SNED1: variants seen among roughly 807,000 people sequenced by gnomAD.
SNED1 encodes the protein sushi, nidogen and EGF like domains 1, also known as sushi, nidogen and EGF-like domain-containing protein 1.
In SNED1, 81 loss-of-function variants were observed where a neutral mutation model predicts 166.7. That is an observed-to-expected ratio of 0.49 (90% CI 0.41 to 0.58). SNED1 has a LOEUF of 0.58. Ranked by LOEUF, SNED1 falls within the 20% of genes least tolerant of loss-of-function variation. The pLI, the probability that SNED1 is intolerant of heterozygous loss-of-function variation, is 0.00. For synonymous variants in SNED1, 762 were observed against 822.0 expected (o/e 0.93, Z 1.25); for missense variants, 1,604 against 2,000.2 (o/e 0.80, Z 3.78).
At chr2:241,015,060 C>T (rs1287972362) in intron 1 of SNED1, among the ~76,000 whole-genome samples, 1 of 152,194 alleles carries the variant, frequency 6.6e-6, no homozygotes, top group Non-Finnish European at 1.5e-5. Flanking sequence ...TTCCACCTTG[C>T]TTTTCACAAG....
chr2:241,049,987 G>T, intron 12 of SNED1, 54 bp downstream of exon 12: 1 of 1,318,462 alleles, frequency 7.6e-7, no homozygotes. Flanking sequence ...GAGCGCCCGC[G>T]GTCCGCCGTC....
At position 241,071,589 on chromosome 2, in the gene SNED1, C is replaced by T. The variant is rs369849516; in HGVS notation, c.3603C>T (p.Gly1201=). Residue 1201 remains glycine (G), a synonymous_variant, in exon 25 of 32, where the codon GGC becomes GGT. Transcript: ENST00000310397. ...CCTGCTCTGCAGCCCCCAGGGATGG[C>T]GCTGACAGACGCTGGCACCAGGGAG... ...HLYIITSPRD[G]ADRRWHQGGH... 77 of 1,586,494 alleles carry T rather than the reference C, an allele frequency of 4.9e-5. No homozygotes were observed. The highest frequency in any genetic ancestry group is 6.8e-5 in the South Asian group (6 of 87,816).
At position 241,053,261 on chromosome 2, in the gene SNED1, G is replaced by T. The variant is rs777264161; in HGVS notation, c.2192G>T (p.Ser731Ile). 39 of 1,604,576 alleles carry T rather than the reference G, an allele frequency of 2.4e-5. No homozygotes were observed. In the Admixed American group the frequency reaches 3.9e-4, roughly 16 times the overall value. The change falls in exon 16 of 32, where the codon AGC (serine) becomes ATC (isoleucine). Residue 731 changes from serine (S) to isoleucine (I), a missense_variant. Physicochemically the swap from Ser to Ile is moderately radical, Grantham distance 142. Around this residue, in one of 2 missense-constraint regions of SNED1, gnomAD observed 1,237 missense variants for 1,620.8 expected, o/e 0.76. Transcript: ENST00000310397. Reference protein sequence around the residue: ...LYACDRGYSLSAPSRIRVCQP... With the variant: ...LYACDRGYSLIAPSRIRVCQP... ...GCATGTGACCGTGGCTACAGCCTGA[G>T]CGCCCCCAGCCGCATCCGGGTCTGC...
intron 29 of SNED1, 63 bp from the exon 30 acceptor site, chr2:241,087,329 G>C: frequency 6.6e-7 from 1 of 1,503,802 alleles, no homozygotes; most frequent in African/African-American, 1.4e-5. Flanking sequence ...CATAGCCTAG[G>C]TTAAGCAGTT....
chr2:241,050,688 T>C (rs2061810457), intron 12 of SNED1, among the ~76,000 whole-genome samples: 1 of 152,186 alleles, frequency 6.6e-6, no homozygotes, highest in South Asian at 2.1e-4. Flanking sequence ...ACTGCTTGGT[T>C]CTTTGCAAGC....
chr2:241,062,644 A>G (rs2062276726), intron 16 of SNED1, 147 bp from the exon 17 acceptor site: 1 of 696,990 alleles, frequency 1.4e-6, no homozygotes, highest in Non-Finnish European at 2.6e-6. Context: ...CCCCGACTCC[A>G]AGGATATCCA....
At chr2:241,040,555 CT>C (rs1310391936) in intron 8 of SNED1, 142 bp downstream of exon 8, 1 of 620,640 alleles carries the variant, frequency 1.6e-6, no homozygotes, top group Non-Finnish European at 2.8e-6. Context: ...CCTCTGCCCC[CT>C]TCCCACTCCC....
chr2:241,036,252 C>T (rs1019324505), intron 4 of SNED1, among the ~76,000 whole-genome samples: 7 of 151,928 alleles, frequency 4.6e-5, no homozygotes, highest in Non-Finnish European at 8.8e-5. Context: ...TACCCACACA[C>T]TGGGGCACGA....
chr2:241,003,770 G>A (rs1016245387), intron 1 of SNED1, among the ~76,000 whole-genome samples: 2 of 152,238 alleles, frequency 1.3e-5, no homozygotes, highest in African/African-American at 4.8e-5. Flanking sequence ...TCACAGGGAA[G>A]ACAGGTCAGT....
intron 27 of SNED1, among the ~76,000 whole-genome samples, chr2:241,078,107 G>T (rs1053860669): frequency 1.3e-5 from 2 of 152,120 alleles, no homozygotes; most frequent in Non-Finnish European, 2.9e-5. Flanking sequence ...AAAAGTGGCC[G>T]GGCGCGGTGG....
Position 240,999,159 on chromosome 2 carries a change from G to A in SNED1, c.213+109G>A. ...CGCCGCCGCCAGCCACTTGGCACCG[G>A]GGCGGCCCGAGGTGGAATGAGGACA... On this transcript the variant is annotated intron_variant, in intron 1 of 31. Coordinates refer to ENST00000310397, the MANE Select transcript of SNED1 (RefSeq NM_001080437.3). The surrounding 1 kb of genome is among the most constrained non-coding windows in gnomAD (Gnocchi z 5.8). The A allele has an allele frequency of 1.6e-6, 1 of 621,012 alleles. No homozygotes were observed. The allele number at this position is 621,012 out of a possible 1,614,324, so 38.5% of individuals were successfully genotyped here. A position where few individuals can be genotyped will look rare whatever the true frequency, so the allele number is the denominator to read the frequency against.
intron 27 of SNED1, among the ~76,000 whole-genome samples, chr2:241,076,618 T>C (rs777974022): frequency 7.2e-5 from 11 of 152,272 alleles, no homozygotes; most frequent in East Asian, 1.9e-4. Flanking sequence ...TCCCAGCACT[T>C]TGGGAGGCCT....
In SNED1 at chr2:241,091,330, A is replaced by C. The variant is rs1240653105; in HGVS notation, c.*2-308A>C. 6.6e-6 allele frequency among the ~76,000 whole-genome samples: 1 copy of C among 152,262 alleles called. No individual in the cohort carries two copies. The highest frequency in any genetic ancestry group is 1.5e-5 in the Non-Finnish European group (1 of 68,050). ...GGAAGGAGGAGGGCAGGGAAGAGGAACAGGCTGTGATTTCACATTTAAAAG... is the reference window on the plus strand; with the variant it reads ...GGAAGGAGGAGGGCAGGGAAGAGGACCAGGCTGTGATTTCACATTTAAAAG... On this transcript the variant is annotated intron_variant, in intron 31 of 31. Transcript: ENST00000310397. This position sits in a 1 kb window ranked among gnomAD's most constrained non-coding sequence, Gnocchi z 4.1.
chr2:241,038,826 T>C (rs1000469580), intron 6 of SNED1, among the ~76,000 whole-genome samples: 1 of 152,142 alleles, frequency 6.6e-6, no homozygotes, highest in Non-Finnish European at 1.5e-5. Context: ...GCCAGGGGCC[T>C]GGCTGCGGGA....
At chr2:241,020,741 G>A (rs2060747235) in intron 1 of SNED1, among the ~76,000 whole-genome samples, 2 of 152,208 alleles carry the variant, frequency 1.3e-5, no homozygotes, top group African/African-American at 4.8e-5. Context: ...GTGCAGTGGA[G>A]TACTGCCCTG....
chr2:241,040,848 A>G, intron 8 of SNED1: 1 of 471,728 alleles, frequency 2.1e-6, no homozygotes, highest in Non-Finnish European at 4.4e-6. Flanking sequence ...CTGACCTTTC[A>G]CTATTTTCTA....
intron 1 of SNED1, among the ~76,000 whole-genome samples, chr2:241,028,889 G>C (rs796708664): frequency 5.9e-5 from 9 of 151,490 alleles, no homozygotes; most frequent in African/African-American, 1.9e-4. Context: ...TGCTTCCTTG[G>C]GTGCCCGATT....
chr2:241,024,235 CTTTTTTTTT>C (rs10664618), intron 1 of SNED1, among the ~76,000 whole-genome samples: 14 of 46,908 alleles, frequency 3.0e-4, no homozygotes, highest in African/African-American at 1.2e-3. Context: ...ACTCTACTAC[CTTTTTTTTT>C]TTTTTTTTTT....
At chr2:241,090,111 T>C (rs2063829089) in intron 31 of SNED1, 3 of 1,492,480 alleles carry the variant, frequency 2.0e-6, no homozygotes, top group Non-Finnish European at 2.7e-6. Flanking sequence ...ATTTTTACTT[T>C]TTAACTCTTT....
Sources: gnomAD v4.1 joint callset for allele counts (sites outside exome capture counted in the v4.1 genomes callset) on GRCh38, gnomAD v4.1.1 for gene constraint, gnomAD v4.1.1 regional missense constraint, Gnocchi (gnomAD v3.1) non-coding constraint, MANE v1.5 for transcripts, NCBI Gene and HGNC (gene_info 2026-07-23, HGNC 2026-07-21) for gene names.